Variants in BTRC observed in about 807,000 individuals in gnomAD.
The protein encoded by BTRC is F-box/WD repeat-containing protein 1A.
In BTRC, 42 loss-of-function variants were observed where a neutral mutation model predicts 85.5. The ratio of observed to expected loss-of-function variants is 0.49; its 90% CI spans 0.38 to 0.64. The LOEUF (loss-of-function observed/expected upper bound fraction) is 0.64, where lower values mean the gene tolerates loss of function less well. Ranked by LOEUF, BTRC falls within the 30% of genes least tolerant of loss-of-function variation. BTRC has a pLI of 0.00. For missense variants in BTRC, 594 were observed against 743.5 expected (o/e 0.80, Z 2.34); for synonymous variants, 255 against 263.3 (o/e 0.97, Z 0.30).
At chr10:101,364,300 A>C (rs1409608749) in intron 1 of BTRC, among the ~76,000 whole-genome samples, 3 of 152,170 alleles carry the variant, frequency 2.0e-5, no homozygotes, top group African/African-American at 7.2e-5. Flanking sequence ...GAAAAAAAGC[A>C]TAAAGAAATA....
intron 1 of BTRC, among the ~76,000 whole-genome samples, chr10:101,408,233 A>G (rs1424193734): frequency 6.6e-6 from 1 of 152,018 alleles, no homozygotes; most frequent in Non-Finnish European, 1.5e-5. Context: ...AGTGATCAGT[A>G]TGGTTAAATT....
chr10:101,428,884 T>C (rs1181875284), intron 1 of BTRC, among the ~76,000 whole-genome samples: 1 of 152,184 alleles, frequency 6.6e-6, no homozygotes, highest in Non-Finnish European at 1.5e-5. Flanking sequence ...CAGGCTGGAT[T>C]TGAACTCCTG....
At position 101,534,834 on chromosome 10, in the gene BTRC, G is replaced by T; in HGVS notation, c.1271G>T (p.Gly424Val). The T allele has an allele frequency of 6.2e-7, 1 of 1,614,100 alleles. No homozygotes were observed. The highest frequency in any genetic ancestry group is 8.5e-7 in the Non-Finnish European group (1 of 1,179,988). The change falls in exon 10 of 15, where the codon GGA becomes GTA. Residue 424 changes from glycine to valine, a missense_variant. Physicochemically the swap from Gly to Val is moderately radical, Grantham distance 109. Around this residue, in one of 4 missense-constraint regions of BTRC, gnomAD observed 373 missense variants for 503.6 expected, o/e 0.74. Transcript: ENST00000370187. ...ATTACCCTCCGGAGGGTGCTGGTCG[G>T]ACACCGAGCTGCTGTCAATGTTGTA... ...TDITLRRVLV[G>V]HRAAVNVVDF...
At chr10:101,355,338 A>G (rs759882813) in intron 1 of BTRC, among the ~76,000 whole-genome samples, 14 of 152,222 alleles carry the variant, frequency 9.2e-5, no homozygotes, top group African/African-American at 1.2e-4. Context: ...CAGTGTGAGC[A>G]AAGATTGGAT....
At chr10:101,413,150 A>G (rs908671517) in intron 1 of BTRC, among the ~76,000 whole-genome samples, 1 of 151,962 alleles carries the variant, frequency 6.6e-6, no homozygotes, top group Non-Finnish European at 1.5e-5. Flanking sequence ...TTTGAGATGG[A>G]GTCTTGCTCT....
intron 1 of BTRC, among the ~76,000 whole-genome samples, chr10:101,365,593 A>G (rs1383638869): frequency 1.3e-5 from 2 of 151,864 alleles, no homozygotes; most frequent in Non-Finnish European, 2.9e-5. Flanking sequence ...CTCCTGCCTC[A>G]GCTTCCTGAG....
At chr10:101,357,309 C>T (rs1310329636) in intron 1 of BTRC, among the ~76,000 whole-genome samples, 17 of 150,982 alleles carry the variant, frequency 1.1e-4, no homozygotes, top group Admixed American at 7.9e-4. Flanking sequence ...GGCCTGGTGG[C>T]GCGCACCTGT....
chr10:101,373,816 G>A (rs983213593), intron 1 of BTRC, among the ~76,000 whole-genome samples: 4 of 151,992 alleles, frequency 2.6e-5, no homozygotes, highest in African/African-American at 9.7e-5. Flanking sequence ...TACTCGGGAG[G>A]CTGAGGCAGG....
intron 3 of BTRC, among the ~76,000 whole-genome samples, chr10:101,466,709 G>T (rs1945382336): frequency 6.6e-6 from 1 of 152,200 alleles, no homozygotes; most frequent in African/African-American, 2.4e-5. Flanking sequence ...CTTGCACGCT[G>T]CTGGAAAAAT....
chr10:101,544,471 A>G (rs2062525994), intron 13 of BTRC, among the ~76,000 whole-genome samples: 1 of 148,992 alleles, frequency 6.7e-6, no homozygotes, highest in Non-Finnish European at 1.5e-5. Context: ...ATGCAGTGGC[A>G]TGATCATAGC....
chr10:101,508,263 TGGGCTTTA>T (rs1393470922), intron 4 of BTRC, among the ~76,000 whole-genome samples: 1 of 152,212 alleles, frequency 6.6e-6, no homozygotes, highest in Non-Finnish European at 1.5e-5. Flanking sequence ...CATTTCCTAC[TGGGCTTTA>T]TTTAAAGGAA....
chr10:101,512,281 T>C (rs749155092), intron 4 of BTRC, among the ~76,000 whole-genome samples: 2 of 152,228 alleles, frequency 1.3e-5, no homozygotes, highest in African/African-American at 4.8e-5. Context: ...TTATATCCCC[T>C]TTCCCCCCAT....
chr10:101,527,874 A>C (rs1291400147), intron 6 of BTRC, among the ~76,000 whole-genome samples: 1 of 152,178 alleles, frequency 6.6e-6, no homozygotes, highest in South Asian at 2.1e-4. Flanking sequence ...ATTTCGCTAC[A>C]TAGAAAAATA....
Position 101,483,974 on chromosome 10 carries a change from A to G in BTRC, c.324+4517A>G, listed in dbSNP as rs143568781. On this transcript the variant is annotated intron_variant, in intron 4 of 14. Transcript: ENST00000370187. Reference sequence around the variant, plus strand: ...ATTTTGGTCTTAGGTTTTTTTCCCTAATTTACCCTTACCCACACCCACAGA... The same window carrying G: ...ATTTTGGTCTTAGGTTTTTTTCCCTGATTTACCCTTACCCACACCCACAGA... Among the ~76,000 whole-genome samples the G allele has an allele frequency of 8.9e-3, 1,354 of 152,216 alleles. 13 individuals carry two copies. Among genetic ancestry groups the G allele is most frequent in the South Asian group, 0.015 (70 of 4,824 alleles).
intron 1 of BTRC, among the ~76,000 whole-genome samples, chr10:101,418,159 G>T (rs1943997019): frequency 6.6e-6 from 1 of 152,136 alleles, no homozygotes; most frequent in Non-Finnish European, 1.5e-5. Context: ...TTGAGGCCAG[G>T]AGTTCAAGAC....
chr10:101,472,187 T>C (rs983024677), intron 3 of BTRC, among the ~76,000 whole-genome samples: 6 of 152,168 alleles, frequency 3.9e-5, no homozygotes, highest in Admixed American at 3.9e-4. Context: ...CCCACAGGGT[T>C]TGTTCTAGAT....
chr10:101,447,955 A>T (rs572667925), intron 2 of BTRC, among the ~76,000 whole-genome samples: 2 of 152,240 alleles, frequency 1.3e-5, no homozygotes, highest in African/African-American at 4.8e-5. Context: ...ATGATAGTAA[A>T]ATTTTCTATA....
chr10:101,546,298 A>AT (rs1554898784), intron 13 of BTRC, among the ~76,000 whole-genome samples: 1 of 152,126 alleles, frequency 6.6e-6, no homozygotes, highest in East Asian at 1.9e-4. Flanking sequence ...AGTGGTATTC[A>AT]CTAATGGAAA....
intron 3 of BTRC, among the ~76,000 whole-genome samples, chr10:101,467,161 A>G (rs1945394892): frequency 6.6e-6 from 1 of 150,738 alleles, no homozygotes; most frequent in South Asian, 2.1e-4. Flanking sequence ...ATACCAAGAC[A>G]TTTCTTTTTT....
Sources: allele counts gnomAD v4.1 joint callset (sites outside exome capture counted in the v4.1 genomes callset), GRCh38; gene constraint gnomAD v4.1.1; regional missense constraint gnomAD v4.1.1; transcripts MANE v1.5; gene names NCBI Gene and HGNC (gene_info 2026-07-23, HGNC 2026-07-21).